The following PTPRD variants were observed in gnomAD, a reference collection of about 807,000 sequenced individuals.
PTPRD encodes the protein receptor-type tyrosine-protein phosphatase delta.
A neutral mutation model predicts 214.5 loss-of-function variants in PTPRD; 34 were observed. That is an observed-to-expected ratio of 0.16 (90% CI 0.12 to 0.21). The LOEUF (loss-of-function observed/expected upper bound fraction) is 0.21, where lower values mean the gene tolerates loss of function less well. Among genes scored for constraint, PTPRD ranks in the 10% least tolerant of loss-of-function variants. The pLI is 1.00. For missense variants in PTPRD, 2,545 were observed against 2,398.7 expected, an observed-to-expected ratio of 1.06 and a Z score of -1.27; for synonymous variants, 1,128 against 845.7, an observed-to-expected ratio of 1.33 and a Z score of -5.79.
chr9:10,520,683 G>C lies in PTPRD; in HGVS notation c.-600+91715C>G, dbSNP rs142529261. On this transcript the variant is annotated intron_variant, in intron 2 of 45. Transcript: ENST00000381196. Reference sequence around the variant, plus strand: ...AAGGACAGGTTGACTCTCTTGCTAGGAGCTAATGCAGCTGGTGACTTTAAG... The same window carrying C: ...AAGGACAGGTTGACTCTCTTGCTAGCAGCTAATGCAGCTGGTGACTTTAAG... 2.1e-3 allele frequency among the ~76,000 whole-genome samples: 318 copies of C among 152,170 alleles called. 1 individual carries two copies. Among genetic ancestry groups the C allele is most frequent in the African/African-American group, 6.7e-3 (277 of 41,538 alleles).
chr9:8,839,410 C>T (rs1346190880), intron 11 of PTPRD, among the ~76,000 whole-genome samples: 4 of 152,170 alleles, frequency 2.6e-5, no homozygotes, highest in African/African-American at 9.6e-5. Flanking sequence ...ACTGCAGCCT[C>T]TGCCTCCAGG....
intron 9 of PTPRD, among the ~76,000 whole-genome samples, chr9:9,305,882 A>C (rs1459640575): frequency 6.6e-6 from 1 of 152,170 alleles, no homozygotes; most frequent in Non-Finnish European, 1.5e-5. Flanking sequence ...AGAGGCAGGA[A>C]GAATTTTTTT....
rs886743983 is a variant in PTPRD at position 8,680,066 on chromosome 9, T to C, written c.65-43222A>G. Among the ~76,000 whole-genome samples, 4 of 152,280 alleles carry C rather than the reference T, an allele frequency of 2.6e-5. No individual in the cohort carries two copies. In the South Asian group the frequency reaches 6.2e-4, roughly 24 times the overall value. On this transcript the variant is annotated intron_variant, in intron 12 of 45. Coordinates refer to ENST00000381196, the MANE Select transcript of PTPRD (RefSeq NM_002839.4). The stretch of plus-strand genomic sequence containing the variant: ...AACATTTCTTATAAATCATATTTTA[T>C]ATATTAGATACTATGATTCTTTTGT...
intron 11 of PTPRD, among the ~76,000 whole-genome samples, chr9:8,997,334 A>G (rs957420779): frequency 2.6e-5 from 4 of 152,060 alleles, no homozygotes; most frequent in East Asian, 1.9e-4. Context: ...CATTTTCTCA[A>G]AAGTATGTGT....
At chr9:8,324,592 T>C (rs1831746215) in intron 44 of PTPRD, among the ~76,000 whole-genome samples, 1 of 152,180 alleles carries the variant, frequency 6.6e-6, no homozygotes, top group Non-Finnish European at 1.5e-5. Flanking sequence ...GTAGAATGAT[T>C]TACAATCCTT....
At chr9:10,539,878 G>A (rs1364104949) in intron 2 of PTPRD, among the ~76,000 whole-genome samples, 2 of 152,048 alleles carry the variant, frequency 1.3e-5, no homozygotes, top group South Asian at 2.1e-4. Context: ...TTTAGGTGAG[G>A]GGCCCATCTT....
intron 11 of PTPRD, among the ~76,000 whole-genome samples, chr9:9,010,598 G>C (rs117628824): frequency 2.7e-4 from 41 of 152,286 alleles, no homozygotes; most frequent in Non-Finnish European, 8.8e-5. Flanking sequence ...CTTGAGGTTA[G>C]GTTCTTACTG....
intron 3 of PTPRD, among the ~76,000 whole-genome samples, chr9:10,091,886 C>T (rs2098435706): frequency 6.6e-6 from 1 of 151,262 alleles, no homozygotes; most frequent in African/African-American, 2.4e-5. Flanking sequence ...CTTTTTCTCT[C>T]CCGGAAATTA....
chr9:10,424,313 T>TTCTCTCTCTCTCTCTCTCTCTCTCTC (rs35994999), intron 2 of PTPRD, among the ~76,000 whole-genome samples: 18 of 145,586 alleles, frequency 1.2e-4, no homozygotes, highest in African/African-American at 4.5e-4. Context: ...TGGTTTCCTT[T>TTCTCTCTCTCTCTCTCTCTCTCTCTC]TCTCTCTCTC....
At chr9:10,414,508 A>G (rs1379070416) in intron 2 of PTPRD, among the ~76,000 whole-genome samples, 3 of 151,946 alleles carry the variant, frequency 2.0e-5, no homozygotes, top group Non-Finnish European at 4.4e-5. Flanking sequence ...AATTAGTTCA[A>G]CTATTGTGGA....
intron 14 of PTPRD, among the ~76,000 whole-genome samples, chr9:8,534,390 C>T (rs186360201): frequency 6.6e-6 from 1 of 151,854 alleles, no homozygotes; most frequent in Non-Finnish European, 1.5e-5. Flanking sequence ...GAGTGAACCA[C>T]TCAGTTTTTT....
chr9:9,604,862 C>T (rs2094038819), intron 7 of PTPRD, among the ~76,000 whole-genome samples: 1 of 151,418 alleles, frequency 6.6e-6, no homozygotes, highest in Admixed American at 6.6e-5. Flanking sequence ...AAAAAGAAAA[C>T]TATTATTAAA....
At chr9:10,442,026 A>G (rs2098762678) in intron 2 of PTPRD, among the ~76,000 whole-genome samples, 1 of 151,638 alleles carries the variant, frequency 6.6e-6, no homozygotes, top group Non-Finnish European at 1.5e-5. Context: ...AGTATACGCT[A>G]AATATAAATG....
chr9:10,259,157 G>C (rs1439856138), intron 3 of PTPRD, among the ~76,000 whole-genome samples: 1 of 151,960 alleles, frequency 6.6e-6, no homozygotes, highest in Non-Finnish European at 1.5e-5. Context: ...GGAGTAGCTG[G>C]GAATACAGGT....
intron 26 of PTPRD, 39 bp from the exon 27 acceptor site, chr9:8,493,018 G>C: frequency 6.6e-7 from 1 of 1,510,028 alleles, no homozygotes; most frequent in Non-Finnish European, 9.2e-7. Flanking sequence ...TTCAAAACAT[G>C]CTACTAATGC....
intron 11 of PTPRD, among the ~76,000 whole-genome samples, chr9:8,916,925 G>A (rs565500524): frequency 1.3e-5 from 2 of 152,188 alleles, no homozygotes; most frequent in African/African-American, 4.8e-5. Flanking sequence ...AATATCCAAA[G>A]CAAACAGTGC....
At chr9:8,459,583 T>C (rs2096323316) in intron 33 of PTPRD, among the ~76,000 whole-genome samples, 1 of 152,044 alleles carries the variant, frequency 6.6e-6, no homozygotes, top group Non-Finnish European at 1.5e-5. Flanking sequence ...TAATGTCCTC[T>C]ATCTAACTGA....
intron 11 of PTPRD, among the ~76,000 whole-genome samples, chr9:8,797,597 A>G (rs2096467191): frequency 6.6e-6 from 1 of 152,200 alleles, no homozygotes; most frequent in South Asian, 2.1e-4. Flanking sequence ...ATCCAGCAGA[A>G]ACTCTCTGGA....
At chr9:8,325,480 TTTTGGTTACTGTAGCCTTG>T (rs1832739761) in intron 44 of PTPRD, among the ~76,000 whole-genome samples, 1 of 148,884 alleles carries the variant, frequency 6.7e-6, no homozygotes, top group South Asian at 2.2e-4. Context: ...TACCATGCTG[TTTTGGTTACTGTAGCCTTG>T]TTTGAAGTCA....
Sources: gnomAD v4.1 joint callset for allele counts (sites outside exome capture counted in the v4.1 genomes callset) on GRCh38, gnomAD v4.1.1 for gene constraint, MANE v1.5 for transcripts, NCBI Gene and HGNC (gene_info 2026-07-23, HGNC 2026-07-21) for gene names.